RGS12: variants seen among roughly 807,000 people sequenced by gnomAD.
The protein encoded by RGS12 is regulator of G protein signaling 12.
RGS12 carries 66 observed loss-of-function variants against 120.1 expected under a neutral mutation model. The observed-to-expected ratio is 0.55, with a 90% CI of 0.45 to 0.67. The LOEUF is 0.67. Ranked by LOEUF, RGS12 falls within the 30% of genes least tolerant of loss-of-function variation. The pLI, the probability that RGS12 is intolerant of heterozygous loss-of-function variation, is 0.00. For synonymous variants in RGS12, 827 were observed against 804.7 expected, an observed-to-expected ratio of 1.03 and a Z score of -0.47; for missense variants, 1,859 against 1,957.7, an observed-to-expected ratio of 0.95 and a Z score of 0.95.
In RGS12 at chr4:3,439,908, A is replaced by G. The variant is rs1725176983; in HGVS notation, c.*224A>G. ...GCTGCCCAATAAAGCATTTCTGAGG[A>G]CCCAAGCGTCGGCCTGGTGCTGGGT... On this transcript the variant is annotated 3_prime_UTR_variant, in exon 18 of 18. Coordinates refer to ENST00000336727, the MANE Select transcript of RGS12 (RefSeq NM_001394154.1). 2 of 493,528 alleles carry G rather than the reference A, an allele frequency of 4.1e-6. No homozygotes were observed. Among genetic ancestry groups the G allele is most frequent in the Admixed American group, 3.8e-5 (1 of 26,582 alleles). 30.6% of individuals were successfully genotyped at this position (493,528 alleles called of 1,614,324 possible).
rs143402774 is a variant in RGS12 at position 3,395,062 on chromosome 4, G to A, written c.2020+8625G>A. Among the ~76,000 whole-genome samples the A allele has an allele frequency of 2.1e-3, 314 of 152,180 alleles. 2 individuals carry two copies. Among genetic ancestry groups the A allele is most frequent in the Non-Finnish European group, 3.1e-3 (210 of 67,992 alleles). ...AAAAACATTAGCTGGATGTGGTGGC[G>A]CATGCCTGTAATCCCAGCTACTAGG... On this transcript the variant is annotated intron_variant, in intron 4 of 17. Coordinates refer to ENST00000336727, the MANE Select transcript of RGS12 (RefSeq NM_001394154.1).
intron 2 of RGS12, among the ~76,000 whole-genome samples, chr4:3,335,502 TC>T (rs897549150): frequency 1.9e-4 from 29 of 152,164 alleles, no homozygotes; most frequent in African/African-American, 6.5e-4. Flanking sequence ...CACAGCTGCA[TC>T]CCTGTCAGGC....
At chr4:3,342,884 C>A in intron 2 of RGS12, 53 bp from the exon 3 acceptor site, 2 of 1,228,510 alleles carry the variant, frequency 1.6e-6, no homozygotes, top group Non-Finnish European at 2.4e-6. Context: ...TTGGACAAGA[C>A]TAAACATCTC....
At chr4:3,322,149 C>T (rs532748117) in intron 2 of RGS12, among the ~76,000 whole-genome samples, 61 of 152,210 alleles carry the variant, frequency 4.0e-4, no homozygotes, top group Non-Finnish European at 7.3e-4. Context: ...AGCCAGACCC[C>T]TTGTTGCTCG....
chr4:3,428,309 G>A (rs370707564), intron 15 of RGS12, 140 bp downstream of exon 15: 116 of 887,044 alleles, frequency 1.3e-4, no homozygotes, highest in East Asian at 1.0e-3. Context: ...GGTCTCTCTC[G>A]TCCCTGCCGA....
At chr4:3,348,533 C>T (rs1399159088) in intron 3 of RGS12, among the ~76,000 whole-genome samples, 1 of 152,102 alleles carries the variant, frequency 6.6e-6, no homozygotes, top group Non-Finnish European at 1.5e-5. Flanking sequence ...TACGAGTGCG[C>T]ACCGTATTAT....
intron 3 of RGS12, among the ~76,000 whole-genome samples, chr4:3,360,808 C>G (rs542240101): frequency 1.3e-5 from 2 of 152,164 alleles, no homozygotes; most frequent in African/African-American, 4.8e-5. Context: ...CAAAGGCCGA[C>G]GGACCCTGAG....
chr4:3,298,307 C>A (rs1387828832), intron 1 of RGS12, among the ~76,000 whole-genome samples: 1 of 152,086 alleles, frequency 6.6e-6, no homozygotes, highest in Admixed American at 6.6e-5. Context: ...TAGGTTGATC[C>A]TCTAATTCTC....
chr4:3,368,369 G>A (rs963083866), intron 3 of RGS12, among the ~76,000 whole-genome samples: 3 of 150,160 alleles, frequency 2.0e-5, no homozygotes, highest in Non-Finnish European at 4.4e-5. Context: ...GTGTGTGTGC[G>A]TGCCTGTGTG....
At chr4:3,410,003 C>T (rs1721569188) in intron 4 of RGS12, among the ~76,000 whole-genome samples, 1 of 152,230 alleles carries the variant, frequency 6.6e-6, no homozygotes, top group Admixed American at 6.5e-5. Context: ...GTGGCTTGTC[C>T]TGTCATGGAA....
intron 1 of RGS12, among the ~76,000 whole-genome samples, chr4:3,310,593 A>G (rs1724329404): frequency 1.3e-5 from 2 of 152,090 alleles, no homozygotes; most frequent in Admixed American, 6.5e-5. Flanking sequence ...CTCTCAGGTG[A>G]ATGATGGGAG....
chr4:3,351,669 T>C (rs1373302227), intron 3 of RGS12, among the ~76,000 whole-genome samples: 1 of 152,100 alleles, frequency 6.6e-6, no homozygotes, highest in African/African-American at 2.4e-5. Context: ...AACCCTGTAG[T>C]TAGTTGCAGT....
At chr4:3,345,276 G>T (rs987605117) in intron 3 of RGS12, among the ~76,000 whole-genome samples, 4 of 152,186 alleles carry the variant, frequency 2.6e-5, no homozygotes, top group African/African-American at 9.7e-5. Flanking sequence ...TTTTGTGATG[G>T]ATTTGTTATC....
intron 3 of RGS12, 54 bp downstream of exon 3, chr4:3,343,107 G>GGTGGACTTGCATT: frequency 5.2e-6 from 7 of 1,346,446 alleles, no homozygotes; most frequent in Non-Finnish European, 7.4e-6. Context: ...AAAAATGCAA[G>GGTGGACTTGCATT]TCCACCTTGC....
chr4:3,408,372 C>T (rs528303862), intron 4 of RGS12, among the ~76,000 whole-genome samples: 3 of 152,238 alleles, frequency 2.0e-5, no homozygotes, highest in South Asian at 2.1e-4. Context: ...AGAGAGGAGA[C>T]GACTTTCCGT....
At chr4:3,315,354 C>A (rs1724669615) in intron 1 of RGS12, among the ~76,000 whole-genome samples, 1 of 152,212 alleles carries the variant, frequency 6.6e-6, no homozygotes, top group South Asian at 2.1e-4. Flanking sequence ...ACAACCAATA[C>A]TTTTATACCC....
chr4:3,378,021 T>A (rs1446355063), intron 3 of RGS12: 1 of 152,206 alleles, frequency 6.6e-6, no homozygotes, highest in African/African-American at 2.4e-5. Flanking sequence ...GTGGCTGTAC[T>A]TTTTTTGTAA....
In RGS12 at chr4:3,367,672, A is replaced by C. The variant is rs549359450; in HGVS notation, c.1999-18744A>C. 1.5e-4 allele frequency among the ~76,000 whole-genome samples: 23 copies of C among 152,342 alleles called. No individual in the cohort carries two copies. In the East Asian group the frequency reaches 2.7e-3, roughly 18 times the overall value. On this transcript the variant is annotated intron_variant, in intron 3 of 17. Coordinates refer to ENST00000336727, the MANE Select transcript of RGS12 (RefSeq NM_001394154.1). ...TTGCTGCTGGGGCCCTCAGGCGGTC[A>C]CAGGAGTTCTCCCAGGCGTGTTCTG...
At chr4:3,323,166 C>T (rs1193477147) in intron 2 of RGS12, among the ~76,000 whole-genome samples, 4 of 152,246 alleles carry the variant, frequency 2.6e-5, no homozygotes, top group South Asian at 2.1e-4. Flanking sequence ...AGCGGGAGGA[C>T]GAGCAAGCAC....
Sources: gnomAD v4.1 joint callset for allele counts (sites outside exome capture counted in the v4.1 genomes callset) on GRCh38, gnomAD v4.1.1 for gene constraint, MANE v1.5 for transcripts, NCBI Gene and HGNC (gene_info 2026-07-23, HGNC 2026-07-21) for gene names.